CFAP77: variants seen among roughly 807,000 people sequenced by gnomAD.
The protein encoded by CFAP77 is cilia- and flagella-associated protein 77.
CFAP77 carries 25 observed loss-of-function variants against 31.1 expected under a neutral mutation model. That is an observed-to-expected ratio of 0.80 (90% CI 0.59 to 1.12). The LOEUF (loss-of-function observed/expected upper bound fraction) is 1.12, where lower values mean the gene tolerates loss of function less well. Among genes scored for constraint, CFAP77 ranks in the 50% most tolerant of loss-of-function variants. The probability of loss-of-function intolerance (pLI) is 0.00; values close to 1 mark genes in which losing one functional copy is unlikely to be tolerated. For missense variants in CFAP77, 377 were observed against 397.3 expected, an observed-to-expected ratio of 0.95 and a Z score of 0.44; for synonymous variants, 151 against 159.9, an observed-to-expected ratio of 0.94 and a Z score of 0.42.
At chr9:132,491,570 T>C (rs1851654373) in intron 1 of CFAP77, among the ~76,000 whole-genome samples, 1 of 152,250 alleles carries the variant, frequency 6.6e-6, no homozygotes. Flanking sequence ...ATGTTTGTTT[T>C]TACCTGCACA....
intron 3 of CFAP77, among the ~76,000 whole-genome samples, chr9:132,503,963 T>C (rs1851894049): frequency 6.6e-6 from 1 of 152,122 alleles, no homozygotes; most frequent in Non-Finnish European, 1.5e-5. Context: ...TGCTTGAACC[T>C]GGGCGGTGGA....
chr9:132,537,821 G>A, intron 4 of CFAP77, 115 bp downstream of exon 4: 1 of 741,156 alleles, frequency 1.3e-6, no homozygotes, highest in East Asian at 2.6e-5. Context: ...GGGGATGAGT[G>A]GGAAATCAGG....
In CFAP77 at chr9:132,569,728, CTT is replaced by C. The variant is rs558402201; in HGVS notation, c.733-2636_733-2635del. Among the ~76,000 whole-genome samples the C allele has an allele frequency of 3.0e-3, 293 of 98,486 alleles. 1 individual carries two copies. The highest frequency in any genetic ancestry group is 0.012 in the African/African-American group (267 of 22,388). 64.6% of individuals were successfully genotyped at this position (98,486 alleles called of 152,430 possible). A position where few individuals can be genotyped will look rare whatever the true frequency, so the allele number is the denominator to read the frequency against. On this transcript the variant is annotated intron_variant, in intron 5 of 5. Coordinates refer to ENST00000393216, the MANE Select transcript of CFAP77 (RefSeq NM_001282957.2). ...GTCTTCCTAAGTGTCTCTAGCTGCC[CTT>C]TTTTTTTTTTTTTTTTTTTTTTTGA...
chr9:132,551,806 G>T (rs1427016657), intron 5 of CFAP77, among the ~76,000 whole-genome samples: 2 of 152,344 alleles, frequency 1.3e-5, no homozygotes, highest in South Asian at 2.1e-4. Flanking sequence ...TGAAAGAGCT[G>T]ATAAACACTA....
chr9:132,430,200 G>A (rs1347024521), intron 1 of CFAP77, among the ~76,000 whole-genome samples: 1 of 152,062 alleles, frequency 6.6e-6, no homozygotes, highest in African/African-American at 2.4e-5. Context: ...CTGGTTCTGT[G>A]ATAGAGCTCC....
intron 1 of CFAP77, among the ~76,000 whole-genome samples, chr9:132,471,940 T>A (rs1851266817): frequency 6.6e-6 from 1 of 152,170 alleles, no homozygotes; most frequent in African/African-American, 2.4e-5. Context: ...AGGCCCAAAC[T>A]CCTGGACTCA....
intron 1 of CFAP77, among the ~76,000 whole-genome samples, chr9:132,454,689 A>C (rs530742888): frequency 1.3e-5 from 2 of 152,282 alleles, no homozygotes; most frequent in South Asian, 4.1e-4. Flanking sequence ...GCAAGTAAGC[A>C]CTCCTAATTA....
At chr9:132,547,812 C>T (rs1434633231) in intron 5 of CFAP77, among the ~76,000 whole-genome samples, 6 of 152,218 alleles carry the variant, frequency 3.9e-5, no homozygotes, top group South Asian at 4.1e-4. Context: ...CTGCGTGGGC[C>T]GGCCCACCCT....
In CFAP77 at chr9:132,473,875, G is replaced by A. The variant is rs550662242; in HGVS notation, c.196-24820G>A. ...ATTTTGTATTTTTAGTAGAGACAGA[G>A]TTTCACCATGTTGGCCAGGCTGGTC... is the stretch of plus-strand genomic sequence containing the variant. On this transcript the variant is annotated intron_variant, in intron 1 of 5. Coordinates refer to ENST00000393216, the MANE Select transcript of CFAP77 (RefSeq NM_001282957.2). Among the ~76,000 whole-genome samples the A allele has an allele frequency of 1.1e-4, 17 of 152,246 alleles. No individual in the cohort carries two copies. In the East Asian group the frequency reaches 2.7e-3, roughly 24 times the overall value.
At chr9:132,450,092 G>A (rs1371899611) in intron 1 of CFAP77, among the ~76,000 whole-genome samples, 4 of 151,988 alleles carry the variant, frequency 2.6e-5, no homozygotes, top group East Asian at 3.9e-4. Flanking sequence ...CACCACGCCC[G>A]GCTAATTTTT....
chr9:132,519,550 GGATGAATGGATGGATGGATGGATA>G, intron 3 of CFAP77, among the ~76,000 whole-genome samples: 2 of 138,072 alleles, frequency 1.4e-5, no homozygotes, highest in Non-Finnish European at 3.2e-5. Context: ...GTGGGTAGAT[GGATGAATGGATGGATGGATGGATA>G]GATGGATGGA....
intron 3 of CFAP77, among the ~76,000 whole-genome samples, chr9:132,536,845 G>A (rs966198069): frequency 7.2e-5 from 11 of 152,220 alleles, no homozygotes; most frequent in African/African-American, 2.4e-4. Context: ...GGTGCTTCCC[G>A]TGCTGCTCTG....
At chr9:132,484,646 T>C (rs1252306938) in intron 1 of CFAP77, among the ~76,000 whole-genome samples, 1 of 152,090 alleles carries the variant, frequency 6.6e-6, no homozygotes, top group Non-Finnish European at 1.5e-5. Context: ...CAGGACGTGG[T>C]GTGGTTTCTG....
At position 132,543,006 on chromosome 9, in the gene CFAP77, G is replaced by A. The variant is rs142726335; in HGVS notation, c.691G>A (p.Val231Met). Reference protein sequence around the residue: ...SSQLRKYKPPVKLDTLWHMPH... With the variant: ...SSQLRKYKPPMKLDTLWHMPH... ...TCAGCTGAGGAAGTACAAGCCGCCCGTGAAGCTGGACACCCTCTGGCACAT... is the reference window on the plus strand; with the variant it reads ...TCAGCTGAGGAAGTACAAGCCGCCCATGAAGCTGGACACCCTCTGGCACAT... Residue 231 changes from valine to methionine, a missense_variant, in exon 5 of 6, where the codon GTG becomes ATG. By Grantham distance (21) the Val-to-Met change is conservative. Transcript: ENST00000393216. 1,278 of 1,614,144 alleles carry A rather than the reference G, an allele frequency of 7.9e-4. 16 individuals carry two copies. The highest frequency in any genetic ancestry group is 4.5e-4 in the African/African-American group (34 of 75,024).
chr9:132,458,357 G>GGGGGGGGT lies in CFAP77; in HGVS notation c.196-40337_196-40336insGGGGGGTG, dbSNP rs139008147. Among the ~76,000 whole-genome samples the GGGGGGGGT allele has an allele frequency of 2.2e-3, 260 of 118,842 alleles. 1 individual carries two copies. Among genetic ancestry groups the GGGGGGGGT allele is most frequent in the East Asian group, 3.3e-3 (12 of 3,684 alleles). The allele number at this position is 118,842 out of a possible 152,430, so 78.0% of individuals were successfully genotyped here. A position where few individuals can be genotyped will look rare whatever the true frequency, so the allele number is the denominator to read the frequency against. On this transcript the variant is annotated intron_variant, in intron 1 of 5. Transcript: ENST00000393216. ...GTCTCCCTGGCGGGGGAGGGGGGGG[G>GGGGGGGGT]GTGTGTATGGAAGGCTCAGCTCATC...
chr9:132,425,248 T>G (rs1163384679), intron 1 of CFAP77, among the ~76,000 whole-genome samples: 1 of 152,208 alleles, frequency 6.6e-6, no homozygotes, highest in Non-Finnish European at 1.5e-5. Flanking sequence ...CTGCTTCATT[T>G]AAACTTCATC....
chr9:132,447,852 C>T (rs539514813), intron 1 of CFAP77, among the ~76,000 whole-genome samples: 3 of 152,302 alleles, frequency 2.0e-5, no homozygotes, highest in African/African-American at 7.2e-5. Flanking sequence ...ATAAAACCAC[C>T]CAACATTCAA....
At chr9:132,547,879 C>A (rs1852758911) in intron 5 of CFAP77, among the ~76,000 whole-genome samples, 1 of 152,170 alleles carries the variant, frequency 6.6e-6, no homozygotes, top group Admixed American at 6.5e-5. Context: ...GTCCAGACAC[C>A]CCCACTTGCC....
intron 1 of CFAP77, among the ~76,000 whole-genome samples, chr9:132,459,312 C>G (rs1246116968): frequency 6.6e-6 from 1 of 152,154 alleles, no homozygotes; most frequent in East Asian, 1.9e-4. Flanking sequence ...ACCTCGTGAT[C>G]TGCCCGCCTT....
Sources: gnomAD v4.1 joint callset for allele counts (sites outside exome capture counted in the v4.1 genomes callset) on GRCh38, gnomAD v4.1.1 for gene constraint, MANE v1.5 for transcripts, NCBI Gene and HGNC (gene_info 2026-07-23, HGNC 2026-07-21) for gene names.